The following TLN2 variants were observed in gnomAD, a reference collection of about 807,000 sequenced individuals.
The protein encoded by TLN2 is talin-2.
TLN2 carries 118 observed loss-of-function variants against 294.7 expected under a neutral mutation model. That is an observed-to-expected ratio of 0.40 (90% confidence interval 0.34 to 0.47). The LOEUF is 0.47. TLN2 is among the 20% of genes least tolerant of loss of function. The pLI is 0.84. For synonymous variants in TLN2, 1,431 were observed against 1,304.5 expected (o/e 1.10, Z -2.09); for missense variants, 3,083 against 3,282.2 (o/e 0.94, Z 1.48).
At chr15:62,610,695 A>G (rs2047842835) in intron 2 of TLN2, among the ~76,000 whole-genome samples, 2 of 152,176 alleles carry the variant, frequency 1.3e-5, no homozygotes, top group Admixed American at 1.3e-4. Flanking sequence ...AGCTGGGAAC[A>G]TGCAAGCCTG....
chr15:62,486,810 G>GTTT (rs1364205522), intron 1 of TLN2, among the ~76,000 whole-genome samples: 2 of 141,282 alleles, frequency 1.4e-5, no homozygotes, highest in African/African-American at 2.6e-5. Context: ...GGTTTGCAAG[G>GTTT]TTTTTTTTTT....
intron 1 of TLN2, among the ~76,000 whole-genome samples, chr15:62,527,485 C>T (rs1567059882): frequency 6.6e-6 from 1 of 152,196 alleles, no homozygotes; most frequent in African/African-American, 2.4e-5. Context: ...AGGAGGGTCC[C>T]TGGCCTCTCA....
intron 41 of TLN2, among the ~76,000 whole-genome samples, chr15:62,768,627 A>G (rs1259103349): frequency 6.6e-6 from 1 of 152,234 alleles, no homozygotes; most frequent in African/African-American, 2.4e-5. Flanking sequence ...AACGTTATGT[A>G]CCAAATACTC....
At chr15:62,673,273 T>C (rs1372737805) in intron 9 of TLN2, among the ~76,000 whole-genome samples, 1 of 151,206 alleles carries the variant, frequency 6.6e-6, no homozygotes, top group African/African-American at 2.4e-5. Context: ...GTCAGCTTGA[T>C]AGACGGTTTT....
chr15:62,405,859 T>G (rs573672300), intron 1 of TLN2, among the ~76,000 whole-genome samples: 85 of 152,284 alleles, frequency 5.6e-4, no homozygotes, highest in African/African-American at 1.9e-3. Flanking sequence ...CTGTCACATG[T>G]TTGAGTGCCC....
At chr15:62,462,059 AAAAATAC>A (rs1011274043) in intron 1 of TLN2, among the ~76,000 whole-genome samples, 5 of 152,128 alleles carry the variant, frequency 3.3e-5, no homozygotes, top group African/African-American at 9.7e-5. Context: ...CGTCTCTACT[AAAAATAC>A]AAAATACAAA....
At chr15:62,686,570 A>G in intron 11 of TLN2, 71 bp from the exon 12 acceptor site, 1 of 1,522,864 alleles carries the variant, frequency 6.6e-7, no homozygotes, top group Non-Finnish European at 8.8e-7. Flanking sequence ...AGGTCAAAAA[A>G]TCACTGATTC....
intron 1 of TLN2, among the ~76,000 whole-genome samples, chr15:62,504,842 T>TGA (rs1179553956): frequency 6.7e-4 from 96 of 143,550 alleles, no homozygotes; most frequent in Non-Finnish European, 9.7e-4. Context: ...TGTGTGTGTG[T>TGA]GTGTGAGAGA....
In TLN2 at chr15:62,781,242, G is replaced by A. The variant is rs2064138617; in HGVS notation, c.5616+1G>A. ...CATTGCGGTGACAGCTCAGGAAATG[G>A]TAAGAGGGAAGAGAGCTGCCCTCCC... On this transcript the variant is annotated splice_donor_variant, in intron 44 of 58. Coordinates refer to ENST00000636159, the MANE Select transcript of TLN2 (RefSeq NM_015059.3). LOFTEE classifies it high-confidence loss of function. 1.2e-6 allele frequency: 2 copies of A among 1,612,440 alleles called. No homozygotes were observed. Among genetic ancestry groups the A allele is most frequent in the African/African-American group, 1.3e-5 (1 of 74,866 alleles).
intron 1 of TLN2, among the ~76,000 whole-genome samples, chr15:62,450,117 GCT>G (rs2036019566): frequency 6.6e-6 from 1 of 152,154 alleles, no homozygotes; most frequent in Middle Eastern, 3.4e-3. Flanking sequence ...TGGCTTCCAG[GCT>G]CTCTCAGCTT....
intron 2 of TLN2, among the ~76,000 whole-genome samples, chr15:62,599,924 G>A (rs1410403384): frequency 6.6e-6 from 1 of 152,146 alleles, no homozygotes; most frequent in African/African-American, 2.4e-5. Context: ...GACCGTGGAG[G>A]ATACAATGAC....
intron 1 of TLN2, among the ~76,000 whole-genome samples, chr15:62,421,329 C>T (rs894661105): frequency 2.2e-4 from 33 of 152,108 alleles, no homozygotes; most frequent in African/African-American, 4.8e-4. Context: ...AGTCACTGCG[C>T]GCAGCCCCTA....
intron 3 of TLN2, among the ~76,000 whole-genome samples, chr15:62,623,558 T>TA (rs1036784789): frequency 2.6e-5 from 4 of 152,228 alleles, no homozygotes; most frequent in Non-Finnish European, 5.9e-5. Flanking sequence ...GTACCTAAAT[T>TA]AAAGTTTAAA....
At chr15:62,551,650 G>A (rs1396506361) in intron 1 of TLN2, among the ~76,000 whole-genome samples, 1 of 152,172 alleles carries the variant, frequency 6.6e-6, no homozygotes, top group Non-Finnish European at 1.5e-5. Flanking sequence ...AGTGAGCTGA[G>A]ACCGTGCCAT....
chr15:62,610,884 G>T (rs767294020), intron 2 of TLN2, among the ~76,000 whole-genome samples: 1 of 152,174 alleles, frequency 6.6e-6, no homozygotes, highest in Non-Finnish European at 1.5e-5. Flanking sequence ...GCACACGCAC[G>T]GGTGTGTCTA....
intron 28 of TLN2, chr15:62,733,755 G>A (rs2060856888): frequency 6.6e-6 from 1 of 152,222 alleles, no homozygotes; most frequent in African/African-American, 2.4e-5. Flanking sequence ...GATCCAGATG[G>A]CAAGAATACT....
chr15:62,478,137 G>A (rs937668368), intron 1 of TLN2, among the ~76,000 whole-genome samples: 1 of 152,150 alleles, frequency 6.6e-6, no homozygotes, highest in Non-Finnish European at 1.5e-5. Flanking sequence ...CAGCCCAGGA[G>A]GCAGGTGCAG....
chr15:62,666,998 C>T (rs1480930967), intron 9 of TLN2, among the ~76,000 whole-genome samples: 1 of 152,172 alleles, frequency 6.6e-6, no homozygotes, highest in Non-Finnish European at 1.5e-5. Context: ...TGGAGTCTCG[C>T]TCTGTCGCCC....
intron 54 of TLN2, chr15:62,829,575 G>C (rs189427915): frequency 1.3e-5 from 2 of 152,240 alleles, no homozygotes; most frequent in East Asian, 1.9e-4. Context: ...ACAATATCAG[G>C]CATGCAATGT....
Sources: allele counts gnomAD v4.1 joint callset (sites outside exome capture counted in the v4.1 genomes callset), GRCh38; gene constraint gnomAD v4.1.1; transcripts MANE v1.5; gene names NCBI Gene and HGNC (gene_info 2026-07-23, HGNC 2026-07-21).